ZCWPW1: variants seen among roughly 807,000 people sequenced by gnomAD.
The protein encoded by ZCWPW1 is zinc finger CW-type PWWP domain protein 1.
A neutral mutation model predicts 81.3 loss-of-function variants in ZCWPW1; 56 were observed. The observed-to-expected ratio is 0.69, with a 90% CI of 0.56 to 0.86. The LOEUF (loss-of-function observed/expected upper bound fraction) is 0.86. ZCWPW1 is among the 40% of genes least tolerant of loss of function. The pLI is 0.00. For missense variants in ZCWPW1, 650 were observed against 769.8 expected (o/e 0.84, Z 1.84); for synonymous variants, 250 against 273.7 (o/e 0.91, Z 0.86).
At chr7:100,427,391 C>T (rs921441630) in intron 1 of ZCWPW1, among the ~76,000 whole-genome samples, 13 of 151,210 alleles carry the variant, frequency 8.6e-5, no homozygotes, top group African/African-American at 2.4e-4. Flanking sequence ...GGTGAAACCC[C>T]GTCTCTACTA....
rs767769176 is a variant in ZCWPW1 at position 100,401,242 on chromosome 7, G to A, written c.1722C>T (p.Gly574=). Residue 574 remains glycine, a synonymous_variant, in exon 18 of 18, where the codon GGC becomes GGT. Transcript: ENST00000684423. ...KEVRTVPKNL[G]LSACKGACPS... is the part of the protein sequence containing the mutation. ...GGCAGGCCCCCTTACACGCTGATAG[G>A]CCCAGGTTCTTTGGCACTGTTCTAA... is the stretch of plus-strand genomic sequence containing the variant. 1 of 1,614,186 alleles carries A rather than the reference G, an allele frequency of 6.2e-7. No individual in the cohort carries two copies. Among genetic ancestry groups the A allele is most frequent in the Non-Finnish European group, 8.5e-7 (1 of 1,180,022 alleles).
At chr7:100,402,352 G>T (rs775072356) in intron 16 of ZCWPW1, 164 bp downstream of exon 16, 3 of 891,648 alleles carry the variant, frequency 3.4e-6, no homozygotes, top group South Asian at 2.6e-5. Flanking sequence ...GTACAGAGAA[G>T]CAAAGGGGTT....
chr7:100,422,303 A>T (rs1584287805), intron 2 of ZCWPW1, among the ~76,000 whole-genome samples: 2 of 152,250 alleles, frequency 1.3e-5, no homozygotes, highest in Non-Finnish European at 2.9e-5. Flanking sequence ...ATCACAGCAC[A>T]CACAGAAAAC....
chr7:100,418,239 G>A (rs779351403), intron 5 of ZCWPW1, among the ~76,000 whole-genome samples: 8 of 152,052 alleles, frequency 5.3e-5, no homozygotes, highest in Admixed American at 2.0e-4. Flanking sequence ...ATGCAAAATC[G>A]GTATTAGAAA....
In ZCWPW1 at chr7:100,403,709, C is replaced by T; in HGVS notation, c.1398G>A (p.Glu466=). The change falls in exon 15 of 18, where the codon GAG becomes GAA. Residue 466 remains glutamate (E), a synonymous_variant. Transcript: ENST00000684423. ...CTAATCTTACTGTTTTCTCTCCTTC[C>T]TCCTTTTCCAACTCTTCCTCTTTCT... The part of the protein sequence containing the change: ...KKEKEEELEK[E]EGEKTDPILP... The T allele has an allele frequency of 6.2e-7, 1 of 1,613,346 alleles. No individual in the cohort carries two copies. The highest frequency in any genetic ancestry group is 8.5e-7 in the Non-Finnish European group (1 of 1,179,648).
intron 2 of ZCWPW1, among the ~76,000 whole-genome samples, chr7:100,423,015 C>T (rs1462844242): frequency 6.6e-6 from 1 of 152,142 alleles, no homozygotes; most frequent in African/African-American, 2.4e-5. Context: ...ACCCAGTTTT[C>T]TTTAGGCTTA....
chr7:100,409,938 G>C (rs1490791934), intron 8 of ZCWPW1, among the ~76,000 whole-genome samples: 2 of 152,164 alleles, frequency 1.3e-5, no homozygotes. Flanking sequence ...AAGTTCTTTT[G>C]AAGGGCTAAC....
rs765823541 is a variant in ZCWPW1, at chr7:100,401,849, A to G, written c.1627+40T>C. On this transcript the variant is annotated intron_variant, in intron 17 of 17. Coordinates refer to ENST00000684423, the MANE Select transcript of ZCWPW1 (RefSeq NM_001386010.1). ...TCAGGGAGGGGAGATGCTGACAGGC[A>G]CCTCATTCCCCTTAGTTTTTCCCAG... 4 of 1,557,928 alleles carry G rather than the reference A, an allele frequency of 2.6e-6. No individual in the cohort carries two copies. The Admixed American group carries it at 7.9e-5, about 31-fold the overall frequency.
At chr7:100,417,000 T>C (rs746336434) in intron 6 of ZCWPW1, 66 bp downstream of exon 6, 19 of 1,140,536 alleles carry the variant, frequency 1.7e-5, no homozygotes, top group Admixed American at 1.1e-4. Flanking sequence ...GACAGATAGA[T>C]AGACTGACTG....
intron 7 of ZCWPW1, 28 bp downstream of exon 7, chr7:100,416,277 G>C: frequency 6.2e-7 from 1 of 1,608,442 alleles, no homozygotes. Flanking sequence ...CTTGAGCCAG[G>C]CTTCAAAGTA....
At chr7:100,405,495 C>T (rs1325857556) in intron 12 of ZCWPW1, among the ~76,000 whole-genome samples, 3 of 152,156 alleles carry the variant, frequency 2.0e-5, no homozygotes, top group Admixed American at 6.5e-5. Flanking sequence ...CAGCATACTG[C>T]TACCCATCTG....
intron 8 of ZCWPW1, among the ~76,000 whole-genome samples, chr7:100,411,269 CTTT>C (rs772677389): frequency 1.4e-5 from 2 of 144,554 alleles, no homozygotes; most frequent in Non-Finnish European, 3.1e-5. Context: ...TTCGCAATTA[CTTT>C]TTTTTTTTTT....
intron 2 of ZCWPW1, 56 bp from the exon 3 acceptor site, chr7:100,420,734 TTC>T (rs1796204012): frequency 1.3e-6 from 2 of 1,551,992 alleles, no homozygotes; most frequent in Non-Finnish European, 8.8e-7. Context: ...ATTTTAAACT[TTC>T]TGTCTACTTG....
At chr7:100,425,818 A>G (rs1797218648) in intron 1 of ZCWPW1, among the ~76,000 whole-genome samples, 1 of 152,224 alleles carries the variant, frequency 6.6e-6, no homozygotes, top group Non-Finnish European at 1.5e-5. Context: ...TTAGGTTAAC[A>G]TATTTATTAT....
chr7:100,418,562 G>A (rs1401068416), intron 5 of ZCWPW1, among the ~76,000 whole-genome samples: 3 of 152,096 alleles, frequency 2.0e-5, no homozygotes, highest in African/African-American at 2.4e-5. Context: ...AGGCTGAGGT[G>A]GGCAGATCAC....
At chr7:100,425,787 G>A (rs568668272) in intron 1 of ZCWPW1, among the ~76,000 whole-genome samples, 1 of 152,076 alleles carries the variant, frequency 6.6e-6, no homozygotes, top group African/African-American at 2.4e-5. Flanking sequence ...TTAGGAGAAT[G>A]TATTTTTCAT....
rs751884265 is a variant in ZCWPW1 at position 100,416,022 on chromosome 7, T to A, written c.707A>T (p.Asp236Val). The A allele has an allele frequency of 1.9e-6, 3 of 1,614,086 alleles. No homozygotes were observed. The highest frequency in any genetic ancestry group is 2.5e-6 in the Non-Finnish European group (3 of 1,180,052). ...QEDRLKKTVQ[D>V]HSQIRDQQKG... ...TTGCTGGTCCCTGATCTGAGAATGA[T>A]CCTGAACTGTTTTCTTTAGTCGGTC... Residue 236 changes from aspartate to valine, a missense_variant, in exon 8 of 18, where the codon GAT becomes GTT. By Grantham distance (152) the Asp-to-Val change is radical. Coordinates refer to ENST00000684423, the MANE Select transcript of ZCWPW1 (RefSeq NM_001386010.1).
intron 10 of ZCWPW1, among the ~76,000 whole-genome samples, chr7:100,407,925 CCTTTA>C (rs1191926880): frequency 1.1e-4 from 17 of 152,038 alleles, no homozygotes; most frequent in Admixed American, 1.0e-3. Flanking sequence ...TTCCTTGTTC[CCTTTA>C]CTTTGTCTCT....
At chr7:100,402,219 T>C (rs1011185687) in intron 16 of ZCWPW1, 178 bp from the exon 17 acceptor site, 1 of 823,198 alleles carries the variant, frequency 1.2e-6, no homozygotes, top group Admixed American at 2.6e-5. Context: ...TCTCTTTTTT[T>C]CTTTTATCCC....
Sources: allele counts gnomAD v4.1 joint callset (sites outside exome capture counted in the v4.1 genomes callset), GRCh38; gene constraint gnomAD v4.1.1; transcripts MANE v1.5; gene names NCBI Gene and HGNC (gene_info 2026-07-23, HGNC 2026-07-21).